Variants in MRTFA observed in about 807,000 individuals in gnomAD.
MRTFA encodes myocardin related transcription factor A, also known as myocardin-related transcription factor A.
A neutral mutation model predicts 83.5 loss-of-function variants in MRTFA; 20 were observed. That is an observed-to-expected ratio of 0.24 (90% CI 0.17 to 0.35). MRTFA has a LOEUF of 0.35. Among genes scored for constraint, MRTFA ranks in the 10% least tolerant of loss-of-function variants. MRTFA has a pLI of 1.00. For missense variants in MRTFA, 1,200 were observed against 1,224.7 expected (o/e 0.98, Z 0.30); for synonymous variants, 659 against 541.2 (o/e 1.22, Z -3.02).
At chr22:40,414,881 T>G (rs1032080329) in intron 14 of MRTFA, 2 of 152,046 alleles carry the variant, frequency 1.3e-5, no homozygotes, top group African/African-American at 4.8e-5. Flanking sequence ...TCACCACAAC[T>G]AAAAAAAGAA....
intron 2 of MRTFA, among the ~76,000 whole-genome samples, chr22:40,591,646 A>C (rs754231674): frequency 2.6e-5 from 4 of 152,198 alleles, no homozygotes; most frequent in Non-Finnish European, 5.9e-5. Flanking sequence ...ATTACTAAAA[A>C]TAAACTGTAC....
chr22:40,585,564 A>C (rs973481691), intron 2 of MRTFA, among the ~76,000 whole-genome samples: 10 of 152,342 alleles, frequency 6.6e-5, no homozygotes, highest in Admixed American at 5.2e-4. Context: ...TAAGATGGTA[A>C]ATTTCATGTG....
At chr22:40,505,283 TTATC>T (rs1195969102) in intron 3 of MRTFA, among the ~76,000 whole-genome samples, 1 of 152,154 alleles carries the variant, frequency 6.6e-6, no homozygotes, top group Non-Finnish European at 1.5e-5. Context: ...AGTTAAAAAA[TTATC>T]TATGAGTCTT....
intron 2 of MRTFA, among the ~76,000 whole-genome samples, chr22:40,555,215 G>A (rs2055502255): frequency 6.6e-6 from 1 of 152,216 alleles, no homozygotes; most frequent in South Asian, 2.1e-4. Context: ...ATTTTGAAAT[G>A]TAAGAAGGAC....
At chr22:40,518,977 G>C (rs1486810495) in intron 3 of MRTFA, among the ~76,000 whole-genome samples, 1 of 150,154 alleles carries the variant, frequency 6.7e-6, no homozygotes, top group Non-Finnish European at 1.5e-5. Flanking sequence ...TTTTTGTTTT[G>C]GAGGCTTTTG....
intron 2 of MRTFA, among the ~76,000 whole-genome samples, chr22:40,592,455 T>C (rs1419965089): frequency 6.9e-6 from 1 of 144,806 alleles, no homozygotes; most frequent in African/African-American, 2.5e-5. Flanking sequence ...GTCTCTTAAC[T>C]TAAAAAAAAA....
At chr22:40,536,128 CAAAAAAA>C (rs766454976) in intron 3 of MRTFA, among the ~76,000 whole-genome samples, 2 of 113,922 alleles carry the variant, frequency 1.8e-5, no homozygotes, top group Non-Finnish European at 3.8e-5. Context: ...CCATCTCTAC[CAAAAAAA>C]AAAAAAAGAA....
chr22:40,457,704 G>T (rs958635267), intron 4 of MRTFA, among the ~76,000 whole-genome samples: 1 of 152,158 alleles, frequency 6.6e-6, no homozygotes, highest in Non-Finnish European at 1.5e-5. Context: ...ATTTCCTCAC[G>T]TGTTATTCAA....
chr22:40,542,254 C>G (rs760562786), intron 3 of MRTFA, among the ~76,000 whole-genome samples: 3 of 152,172 alleles, frequency 2.0e-5, no homozygotes, highest in Non-Finnish European at 2.9e-5. Context: ...TTTCATTTGT[C>G]AAACCACTAC....
chr22:40,470,470 T>TA lies in MRTFA; in HGVS notation c.242-7185dup, dbSNP rs1156705031. Among the ~76,000 whole-genome samples, 14 of 151,188 alleles carry TA rather than the reference T, an allele frequency of 9.3e-5. No homozygotes were observed. In the South Asian group the frequency reaches 2.9e-3, roughly 32 times the overall value. ...GTGCTTAGAGGGAAACTCATAGGTT[T>TA]ATATTAGAAAATTCACAGCCTACAC... On this transcript the variant is annotated intron_variant, in intron 3 of 14. Transcript: ENST00000355630.
chr22:40,549,435 A>G (rs1602416135), intron 3 of MRTFA, among the ~76,000 whole-genome samples: 2 of 152,200 alleles, frequency 1.3e-5, no homozygotes. Flanking sequence ...CAACATAAAC[A>G]AATTTCAAAA....
chr22:40,476,216 T>C (rs2053994947), intron 3 of MRTFA, among the ~76,000 whole-genome samples: 1 of 151,938 alleles, frequency 6.6e-6, no homozygotes, highest in Non-Finnish European at 1.5e-5. Context: ...TTTCAAGCTA[T>C]TTCCTGATAA....
intron 4 of MRTFA, among the ~76,000 whole-genome samples, chr22:40,436,082 T>C (rs904552880): frequency 9.9e-5 from 15 of 152,180 alleles, no homozygotes; most frequent in Non-Finnish European, 1.9e-4. Flanking sequence ...ATATGACTCC[T>C]AATGGGAACT....
intron 1 of MRTFA, among the ~76,000 whole-genome samples, chr22:40,625,788 GA>G (rs1002113702): frequency 1.3e-5 from 2 of 151,922 alleles, no homozygotes; most frequent in African/African-American, 4.8e-5. Context: ...TCTCATAAAT[GA>G]AAATAAATAA....
chr22:40,608,312 G>A (rs572995206), intron 1 of MRTFA, among the ~76,000 whole-genome samples: 4 of 152,148 alleles, frequency 2.6e-5, no homozygotes, highest in East Asian at 1.9e-4. Context: ...CACCATGCCC[G>A]GCCTGTCATC....
intron 2 of MRTFA, among the ~76,000 whole-genome samples, chr22:40,579,457 CA>C (rs1010322945): frequency 2.6e-5 from 4 of 152,160 alleles, no homozygotes; most frequent in Admixed American, 2.0e-4. Context: ...AAGTGCCTGC[CA>C]GTATCATACT....
chr22:40,540,371 A>C (rs2055268046), intron 3 of MRTFA, among the ~76,000 whole-genome samples: 1 of 151,896 alleles, frequency 6.6e-6, no homozygotes, highest in Non-Finnish European at 1.5e-5. Flanking sequence ...CTTCTCCATA[A>C]AGCCTTCTCT....
intron 1 of MRTFA, among the ~76,000 whole-genome samples, chr22:40,604,296 A>G (rs1040251278): frequency 1.3e-5 from 2 of 151,536 alleles, no homozygotes; most frequent in African/African-American, 4.8e-5. Context: ...ACACCTGACT[A>G]ATTTTTTGTA....
Position 40,508,503 on chromosome 22 carries a change from C to G in MRTFA, c.241+43603G>C, listed in dbSNP as rs563699557. 4.9e-5 allele frequency among the ~76,000 whole-genome samples: 6 copies of G among 122,732 alleles called. No individual in the cohort carries two copies. The South Asian group carries it at 1.6e-3, about 34-fold the overall frequency. The allele number at this position is 122,732 out of a possible 152,430, so 80.5% of individuals were successfully genotyped here. ...CTCCGGCCTGGGCAACAGAGACAGACTCCGTCTCTCAAAAAAAAAAAAAAA... is the reference window on the plus strand; with the variant it reads ...CTCCGGCCTGGGCAACAGAGACAGAGTCCGTCTCTCAAAAAAAAAAAAAAA... On this transcript the variant is annotated intron_variant, in intron 3 of 14. Transcript: ENST00000355630.
Sources: allele counts gnomAD v4.1 joint callset (sites outside exome capture counted in the v4.1 genomes callset), GRCh38; gene constraint gnomAD v4.1.1; transcripts MANE v1.5; gene names NCBI Gene and HGNC (gene_info 2026-07-23, HGNC 2026-07-21).